TTC28: variants seen among roughly 807,000 people sequenced by gnomAD.
TTC28 encodes the protein tetratricopeptide repeat protein 28.
In TTC28, 61 loss-of-function variants were observed where a neutral mutation model predicts 198.0. That is an observed-to-expected ratio of 0.31 (90% CI 0.25 to 0.38). The LOEUF is 0.38. Ranked by LOEUF, TTC28 falls within the 10% of genes least tolerant of loss-of-function variation. TTC28 has a pLI of 1.00. For missense variants in TTC28, 2,678 were observed against 3,164.0 expected, an observed-to-expected ratio of 0.85 and a Z score of 3.69; for synonymous variants, 1,171 against 1,297.8, an observed-to-expected ratio of 0.90 and a Z score of 2.10.
intron 5 of TTC28, among the ~76,000 whole-genome samples, chr22:28,243,238 C>G (rs35051985): frequency 7.1e-6 from 1 of 140,110 alleles, no homozygotes; most frequent in African/African-American, 2.7e-5. Context: ...TGTCACACAC[C>G]TGTAGTCTCA....
At chr22:28,590,871 T>C (rs1347994528) in intron 2 of TTC28, among the ~76,000 whole-genome samples, 2 of 150,412 alleles carry the variant, frequency 1.3e-5, no homozygotes, top group Non-Finnish European at 3.0e-5. Context: ...TAGCCAGGCG[T>C]GGTGGTGGGC....
intron 2 of TTC28, among the ~76,000 whole-genome samples, chr22:28,433,831 C>T (rs1407754218): frequency 6.6e-6 from 1 of 152,146 alleles, no homozygotes; most frequent in Admixed American, 6.5e-5. Flanking sequence ...AAGTCAGATA[C>T]ACCAAAGCAA....
At chr22:28,254,634 A>ATGTGGACTCCCT (rs1930758626) in intron 5 of TTC28, among the ~76,000 whole-genome samples, 1 of 152,206 alleles carries the variant, frequency 6.6e-6, no homozygotes, top group African/African-American at 2.4e-5. Flanking sequence ...TAAAGCTTAG[A>ATGTGGACTCCCT]TGTGGACTCC....
chr22:28,106,171 A>G (rs1942295598), intron 7 of TTC28, among the ~76,000 whole-genome samples: 1 of 152,210 alleles, frequency 6.6e-6, no homozygotes, highest in Admixed American at 6.5e-5. Context: ...CACAGTGGCT[A>G]TAAATCTTTC....
intron 2 of TTC28, among the ~76,000 whole-genome samples, chr22:28,378,489 A>T (rs1295845090): frequency 6.6e-6 from 1 of 151,894 alleles, no homozygotes; most frequent in African/African-American, 2.4e-5. Context: ...GGGAGACCCC[A>T]TCTCTACAAA....
At chr22:28,030,438 C>A in intron 12 of TTC28, 72 bp from the exon 13 acceptor site, 2 of 1,526,052 alleles carry the variant, frequency 1.3e-6, no homozygotes, top group Non-Finnish European at 8.8e-7. Flanking sequence ...GCTCTGAGGT[C>A]CTATGCCATT....
At chr22:28,580,111 T>C (rs981559352) in intron 2 of TTC28, among the ~76,000 whole-genome samples, 1 of 152,016 alleles carries the variant, frequency 6.6e-6, no homozygotes, top group Non-Finnish European at 1.5e-5. Context: ...TAAGTAAACA[T>C]AAAGAAGGGG....
chr22:28,129,001 A>G (rs1208440210), intron 6 of TTC28, among the ~76,000 whole-genome samples: 4 of 152,238 alleles, frequency 2.6e-5, no homozygotes, highest in Admixed American at 2.6e-4. Context: ...TAAAGATTGC[A>G]AAAGATGCCT....
rs114175163 is a variant in TTC28, at chr22:28,159,551, C to T, written c.1441+3541G>A. Among the ~76,000 whole-genome samples the T allele has an allele frequency of 3.2e-3, 486 of 151,480 alleles. 2 individuals carry two copies. The highest frequency in any genetic ancestry group is 0.011 in the African/African-American group (453 of 41,244). ...TGAGCCTACTGTAGTCCCAGCTACCCGGGAGGCTAAGGCAGGAAAATCGCT... is the reference window on the plus strand; with the variant it reads ...TGAGCCTACTGTAGTCCCAGCTACCTGGGAGGCTAAGGCAGGAAAATCGCT... On this transcript the variant is annotated intron_variant, in intron 6 of 22. Coordinates refer to ENST00000397906, the MANE Select transcript of TTC28 (RefSeq NM_001145418.2).
chr22:28,462,251 T>G (rs1055135847), intron 2 of TTC28, among the ~76,000 whole-genome samples: 11 of 152,174 alleles, frequency 7.2e-5, no homozygotes, highest in African/African-American at 2.7e-4. Flanking sequence ...TGTGACTAGC[T>G]TTAGCCAATA....
At chr22:28,087,461 AC>A (rs755874355) in intron 12 of TTC28, among the ~76,000 whole-genome samples, 13 of 152,144 alleles carry the variant, frequency 8.5e-5, no homozygotes, top group East Asian at 3.9e-4. Context: ...AAATTCAACA[AC>A]CCTTCATGCT....
intron 5 of TTC28, among the ~76,000 whole-genome samples, chr22:28,242,160 G>A (rs1929701210): frequency 6.6e-6 from 1 of 152,140 alleles, no homozygotes; most frequent in African/African-American, 2.4e-5. Context: ...ACACTGCCTG[G>A]CGCCACAGCA....
Position 28,598,315 on chromosome 22 carries a change from C to A in TTC28, c.381+31237G>T, listed in dbSNP as rs983174630. Among the ~76,000 whole-genome samples, 14 of 151,640 alleles carry A rather than the reference C, an allele frequency of 9.2e-5. No individual in the cohort carries two copies. The South Asian group carries it at 2.9e-3, about 32-fold the overall frequency. On this transcript the variant is annotated intron_variant, in intron 2 of 22. Coordinates refer to ENST00000397906, the MANE Select transcript of TTC28 (RefSeq NM_001145418.2). Reference sequence around the variant, plus strand: ...CACCAGGTCAGGAGTTCGAGACCATCCTGGCTAACATGGTGAAACCCCATC... The same window carrying A: ...CACCAGGTCAGGAGTTCGAGACCATACTGGCTAACATGGTGAAACCCCATC...
At chr22:28,454,439 A>C (rs1337513896) in intron 2 of TTC28, among the ~76,000 whole-genome samples, 2 of 152,208 alleles carry the variant, frequency 1.3e-5, no homozygotes, top group Non-Finnish European at 2.9e-5. Flanking sequence ...TTCACTTGTC[A>C]AGGGATGCCT....
intron 2 of TTC28, among the ~76,000 whole-genome samples, chr22:28,608,540 G>A (rs1471653027): frequency 6.6e-6 from 1 of 152,172 alleles, no homozygotes; most frequent in Non-Finnish European, 1.5e-5. Flanking sequence ...TCTGGATAAT[G>A]AGATGTCCCT....
At chr22:28,193,553 A>G (rs1925082679) in intron 5 of TTC28, among the ~76,000 whole-genome samples, 1 of 152,200 alleles carries the variant, frequency 6.6e-6, no homozygotes, top group Admixed American at 6.5e-5. Flanking sequence ...TCTCACGTGC[A>G]GACACACACA....
At chr22:28,389,670 T>G (rs1273477828) in intron 2 of TTC28, among the ~76,000 whole-genome samples, 1 of 151,240 alleles carries the variant, frequency 6.6e-6, no homozygotes, top group East Asian at 1.9e-4. Flanking sequence ...TTTGTATTTC[T>G]GTGGTATCAG....
At chr22:28,393,730 T>C (rs1175267998) in intron 2 of TTC28, among the ~76,000 whole-genome samples, 1 of 152,050 alleles carries the variant, frequency 6.6e-6, no homozygotes, top group African/African-American at 2.4e-5. Flanking sequence ...GCAAAACGGC[T>C]TCAGCTTGGC....
At position 28,104,905 on chromosome 22, in the gene TTC28, T is replaced by C. The variant is rs184568125; in HGVS notation, c.3307+374A>G. On this transcript the variant is annotated intron_variant, in intron 8 of 22. Transcript: ENST00000397906. Reference sequence around the variant, plus strand: ...TCTGATTCGAACCCTTATAATTTTTTAGGATTACATCTTACTTGATTCATC... The same window carrying C: ...TCTGATTCGAACCCTTATAATTTTTCAGGATTACATCTTACTTGATTCATC... 9.1e-4 allele frequency among the ~76,000 whole-genome samples: 138 copies of C among 152,310 alleles called. 1 individual carries two copies. The highest frequency in any genetic ancestry group is 3.2e-3 in the African/African-American group (131 of 41,568).
Sources: gnomAD v4.1 joint callset for allele counts (sites outside exome capture counted in the v4.1 genomes callset) on GRCh38, gnomAD v4.1.1 for gene constraint, MANE v1.5 for transcripts, NCBI Gene and HGNC (gene_info 2026-07-23, HGNC 2026-07-21) for gene names.